The following UBE2Q2 variants were observed in gnomAD, a reference collection of about 807,000 sequenced individuals.
The protein encoded by UBE2Q2 is ubiquitin-conjugating enzyme E2 Q2.
Under a neutral mutation model 59.9 loss-of-function variants are expected in UBE2Q2, and 54 were observed. That is an observed-to-expected ratio of 0.90 (90% CI 0.72 to 1.13). The LOEUF (loss-of-function observed/expected upper bound fraction) is 1.13. Among genes scored for constraint, UBE2Q2 ranks in the 50% most tolerant of loss-of-function variants. The pLI, the probability that UBE2Q2 is intolerant of heterozygous loss-of-function variation, is 0.00. For missense variants in UBE2Q2, 433 were observed against 441.9 expected (o/e 0.98, Z 0.18); for synonymous variants, 165 against 155.2 (o/e 1.06, Z -0.47).
Position 75,879,180 on chromosome 15 carries a change from T to C in UBE2Q2, c.817T>C (p.Ser273Pro). 1 of 1,577,620 alleles carries C rather than the reference T, an allele frequency of 6.3e-7. No individual in the cohort carries two copies. Among genetic ancestry groups the C allele is most frequent in the Non-Finnish European group, 8.6e-7 (1 of 1,158,708 alleles). ...EGIEYILLNF[S>P]FKDNFPFDPP... Reference sequence around the variant, plus strand: ...CATAGAATATATTTTGCTTAACTTCTCTTTTAAGGTAAGAAAATAGTTACA... The same window carrying C: ...CATAGAATATATTTTGCTTAACTTCCCTTTTAAGGTAAGAAAATAGTTACA... The change falls in exon 8 of 13, where the codon TCT (serine) becomes CCT (proline). Residue 273 changes from serine to proline, a missense_variant. By Grantham distance (74) the Ser-to-Pro change is moderately conservative. Coordinates refer to ENST00000267938, the MANE Select transcript of UBE2Q2 (RefSeq NM_173469.4).
rs1437654404 is a variant in UBE2Q2, at chr15:75,899,482, G to C, written c.*24G>C. On this transcript the variant is annotated 3_prime_UTR_variant, in exon 13 of 13. Transcript: ENST00000267938. ...AAATGTGTTGACTGTTGTATGTTTG[G>C]ACTAATGTTGCTTTAAAGAAAATCT... 1 of 1,585,392 alleles carries C rather than the reference G, an allele frequency of 6.3e-7. No individual in the cohort carries two copies.
chr15:75,867,025 G>C (rs770524912), intron 3 of UBE2Q2, among the ~76,000 whole-genome samples: 40 of 152,148 alleles, frequency 2.6e-4, no homozygotes, highest in South Asian at 2.1e-4. Context: ...CCCTTGATCA[G>C]TATCCATTGT....
intron 8 of UBE2Q2, among the ~76,000 whole-genome samples, chr15:75,881,668 ATATT>A (rs1335006703): frequency 2.6e-5 from 4 of 152,310 alleles, no homozygotes; most frequent in East Asian, 1.9e-4. Flanking sequence ...AGAACAGTAT[ATATT>A]TATGGCCTCT....
At position 75,873,411 on chromosome 15, in the gene UBE2Q2, T is replaced by C; in HGVS notation, c.448-17T>C. The stretch of plus-strand genomic sequence containing the variant: ...AAAAATAGGTTGAATAAGCTAACAT[T>C]TTTCGTCTCTTTGTAGGATATAGAA... On this transcript the variant is annotated splice_polypyrimidine_tract_variant and intron_variant, in intron 4 of 12. Transcript: ENST00000267938. 1.9e-6 allele frequency: 3 copies of C among 1,568,778 alleles called. No homozygotes were observed. Among genetic ancestry groups the C allele is most frequent in the Non-Finnish European group, 2.6e-6 (3 of 1,164,408 alleles).
intron 9 of UBE2Q2, 35 bp from the exon 10 acceptor site, chr15:75,890,400 C>A: frequency 6.4e-7 from 1 of 1,554,144 alleles, no homozygotes; most frequent in East Asian, 2.3e-5. Context: ...GAATAATTCT[C>A]GAGAATTTTG....
chr15:75,863,091 G>A (rs950449830), intron 3 of UBE2Q2, among the ~76,000 whole-genome samples: 1 of 152,114 alleles, frequency 6.6e-6, no homozygotes, highest in Non-Finnish European at 1.5e-5. Context: ...TGGAAAATGT[G>A]TTCTGTATAT....
intron 2 of UBE2Q2, 125 bp from the exon 3 acceptor site, chr15:75,859,753 A>G (rs972354896): frequency 5.1e-6 from 3 of 583,934 alleles, no homozygotes; most frequent in Non-Finnish European, 8.6e-6. Context: ...TAAATCTGTA[A>G]GCTGCAGTTG....
At chr15:75,861,316 C>A (rs1264562099) in intron 3 of UBE2Q2, among the ~76,000 whole-genome samples, 1 of 152,196 alleles carries the variant, frequency 6.6e-6, no homozygotes, top group South Asian at 2.1e-4. Context: ...TGTCTTCTAA[C>A]CAGTCGTGGT....
chr15:75,888,031 T>A (rs1466014091), intron 9 of UBE2Q2, among the ~76,000 whole-genome samples: 1 of 152,224 alleles, frequency 6.6e-6, no homozygotes, highest in Non-Finnish European at 1.5e-5. Flanking sequence ...TATCTTCTAG[T>A]TATGACCCTA....
intron 5 of UBE2Q2, 94 bp downstream of exon 5, chr15:75,873,662 C>T: frequency 1.5e-6 from 2 of 1,360,402 alleles, no homozygotes; most frequent in Non-Finnish European, 1.0e-6. Flanking sequence ...TCTCAGCTGC[C>T]CTCTTCCTCC....
At chr15:75,886,560 G>A (rs550508055) in intron 9 of UBE2Q2, among the ~76,000 whole-genome samples, 1 of 152,116 alleles carries the variant, frequency 6.6e-6, no homozygotes, top group Non-Finnish European at 1.5e-5. Context: ...AAAAGATTTG[G>A]AAGAAATTTG....
At chr15:75,878,741 C>T (rs994581570) in intron 7 of UBE2Q2, among the ~76,000 whole-genome samples, 1 of 151,650 alleles carries the variant, frequency 6.6e-6, no homozygotes, top group Non-Finnish European at 1.5e-5. Flanking sequence ...AAACTTTTCT[C>T]CTTGAACCCT....
chr15:75,876,741 T>C (rs1456251256), intron 6 of UBE2Q2, among the ~76,000 whole-genome samples: 2 of 152,264 alleles, frequency 1.3e-5, no homozygotes, highest in African/African-American at 4.8e-5. Flanking sequence ...ATTTCCTTGT[T>C]TGACGAGTAT....
intron 5 of UBE2Q2, 104 bp from the exon 6 acceptor site, chr15:75,876,083 A>AAT (rs1555422042): frequency 8.8e-7 from 1 of 1,130,676 alleles, no homozygotes; most frequent in Non-Finnish European, 1.3e-6. Context: ...AAAAAAAAAA[A>AAT]TGTTGAGTGG....
At chr15:75,897,998 A>G (rs186187914) in intron 12 of UBE2Q2, among the ~76,000 whole-genome samples, 4 of 152,226 alleles carry the variant, frequency 2.6e-5, no homozygotes, top group Admixed American at 2.0e-4. Context: ...GAGAAACGAT[A>G]AAATTTGAGG....
intron 11 of UBE2Q2, among the ~76,000 whole-genome samples, chr15:75,893,906 T>G (rs1899249000): frequency 6.6e-6 from 1 of 152,180 alleles, no homozygotes; most frequent in African/African-American, 2.4e-5. Flanking sequence ...CTTTCTCCCC[T>G]CCTCTCCCTC....
intron 3 of UBE2Q2, among the ~76,000 whole-genome samples, chr15:75,863,699 A>G (rs1377123853): frequency 6.6e-6 from 1 of 150,810 alleles, no homozygotes; most frequent in African/African-American, 2.4e-5. Flanking sequence ...ATGGAGTGCA[A>G]TGGTGCGATC....
chr15:75,868,505 A>C (rs1330722010), intron 3 of UBE2Q2, among the ~76,000 whole-genome samples: 1 of 152,206 alleles, frequency 6.6e-6, no homozygotes, highest in African/African-American at 2.4e-5. Context: ...GACTGTTCAA[A>C]ATGTAAGGCA....
chr15:75,897,125 A>G, intron 12 of UBE2Q2, 64 bp downstream of exon 12: 1 of 938,126 alleles, frequency 1.1e-6, no homozygotes, highest in Non-Finnish European at 1.5e-6. Context: ...ATTAATACTT[A>G]CCATTTTATT....
Sources: gnomAD v4.1 joint callset for allele counts (sites outside exome capture counted in the v4.1 genomes callset) on GRCh38, gnomAD v4.1.1 for gene constraint, MANE v1.5 for transcripts, NCBI Gene and HGNC (gene_info 2026-07-23, HGNC 2026-07-21) for gene names.